The following LUC7L2 variants were observed in gnomAD, a reference collection of about 807,000 sequenced individuals.
LUC7L2 encodes the protein LUC7 like 2, pre-mRNA splicing factor.
A neutral mutation model predicts 52.8 loss-of-function variants in LUC7L2; 25 were observed. The observed-to-expected ratio is 0.47, with a 90% confidence interval of 0.34 to 0.66. The LOEUF is 0.66. LUC7L2 is among the 30% of genes least tolerant of loss of function. LUC7L2 has a pLI of 0.01. For missense variants in LUC7L2, 328 were observed against 497.8 expected (o/e 0.66, Z 3.25); for synonymous variants, 144 against 160.9 (o/e 0.89, Z 0.80).
chr7:139,374,343 C>A, intron 1 of LUC7L2: 1 of 1,290,922 alleles, frequency 7.7e-7, no homozygotes, highest in Non-Finnish European at 1.1e-6. Context: ...ATTGAAATTG[C>A]TGGCAGAGTT....
rs1380004460 is a variant in LUC7L2 at position 139,376,052 on chromosome 7, T to C, written c.62-10T>C. On this transcript the variant is annotated splice_polypyrimidine_tract_variant and intron_variant, in intron 1 of 9. Transcript: ENST00000354926. ...TAACCTTGAATGTTATTAACTCTTC[T>C]ATATTACAGGAGATACAACTCGTCA... The C allele has an allele frequency of 6.2e-7, 1 of 1,613,378 alleles. No homozygotes were observed. Among genetic ancestry groups the C allele is most frequent in the Non-Finnish European group, 8.5e-7 (1 of 1,179,762 alleles).
chr7:139,420,427 T>C (rs959787560), intron 9 of LUC7L2, among the ~76,000 whole-genome samples: 22 of 152,178 alleles, frequency 1.4e-4, no homozygotes, highest in African/African-American at 5.3e-4. Flanking sequence ...GGTCTCAAAC[T>C]CCCGACCTCA....
chr7:139,410,285 G>A (rs1485917764), intron 7 of LUC7L2, among the ~76,000 whole-genome samples: 1 of 132,490 alleles, frequency 7.5e-6, no homozygotes, highest in African/African-American at 3.8e-5. Flanking sequence ...CACCAGGTTA[G>A]CATAGAATTA....
upstream of LUC7L2, among the ~76,000 whole-genome samples, chr7:139,357,211 C>T (rs547050911): frequency 5.9e-5 from 9 of 152,002 alleles, no homozygotes; most frequent in East Asian, 1.4e-3. Context: ...AAAAATCAGG[C>T]AGGAAAGGAG....
At chr7:139,387,747 G>T (rs2355784) in intron 2 of LUC7L2, among the ~76,000 whole-genome samples, 58,521 of 151,962 alleles carry the variant, frequency 0.39, 15,747 homozygotes, top group African/African-American at 0.77. Flanking sequence ...CGTATAAGTT[G>T]TTTTTTCTTT....
intron 8 of LUC7L2, chr7:139,416,166 T>A (rs1795606905): frequency 6.8e-6 from 1 of 147,604 alleles, no homozygotes; most frequent in African/African-American, 2.4e-5. Flanking sequence ...TTGAGAACAT[T>A]TCCATCATTC....
intron 3 of LUC7L2, among the ~76,000 whole-genome samples, chr7:139,399,449 ATTTTTTTTTTTTTTTTTTTT>A (rs71169090): frequency 0.044 from 2,241 of 50,448 alleles, 59 homozygotes; most frequent in South Asian, 0.16. Flanking sequence ...TGTTTGGGGG[ATTTTTTTTTTTTTTTTTTTT>A]TTTTTTTTTT....
intron 2 of LUC7L2, among the ~76,000 whole-genome samples, chr7:139,376,804 A>C (rs1800734656): frequency 6.6e-6 from 1 of 152,216 alleles, no homozygotes; most frequent in Non-Finnish European, 1.5e-5. Flanking sequence ...GCTTCCCTTC[A>C]TAGTTGCATC....
intron 5 of LUC7L2, among the ~76,000 whole-genome samples, chr7:139,406,070 A>T (rs1207237155): frequency 6.6e-6 from 1 of 152,008 alleles, no homozygotes; most frequent in Admixed American, 6.6e-5. Context: ...TGTTTTTTTG[A>T]GATGGAGTTT....
intron 2 of LUC7L2, among the ~76,000 whole-genome samples, chr7:139,383,481 G>A (rs1360090930): frequency 1.3e-5 from 2 of 151,562 alleles, no homozygotes; most frequent in Non-Finnish European, 2.9e-5. Context: ...GCGCGATCTC[G>A]GCTCACTTCA....
intron 9 of LUC7L2, among the ~76,000 whole-genome samples, chr7:139,420,630 G>T (rs919892669): frequency 1.3e-5 from 2 of 152,156 alleles, no homozygotes; most frequent in Non-Finnish European, 2.9e-5. Flanking sequence ...CACTATGTGT[G>T]GGACATAGTA....
At position 139,348,277 on chromosome 7, in the gene LUC7L2, A is replaced by T. The variant is rs141324461; in HGVS notation, c.-26+7760A>T. Among the ~76,000 whole-genome samples, 1,456 of 150,852 alleles carry T rather than the reference A, an allele frequency of 9.7e-3. 28 individuals carry two copies. Among genetic ancestry groups the T allele is most frequent in the African/African-American group, 0.033 (1,357 of 41,048 alleles). ...GGTCTTGAACTCGTGGGCTCAAGTG[A>T]TCCTCCCACCTAGGACTCCCAAAGT... On this transcript the variant is annotated intron_variant, in intron 1 of 10. Coordinates refer to the LUC7L2 transcript ENST00000541170.
chr7:139,341,270 T>G, intron 1 of LUC7L2: 1 of 1,480,324 alleles, frequency 6.8e-7, no homozygotes. Flanking sequence ...TGCTCGTCAG[T>G]CGATAGGGGG....
intron 8 of LUC7L2, chr7:139,416,083 A>ATATATAT (rs2116323451): frequency 1.5e-5 from 1 of 66,038 alleles, no homozygotes; most frequent in East Asian, 3.5e-4. Flanking sequence ...ATATATATAT[A>ATATATAT]TATATATGAT....
Position 139,422,498 on chromosome 7 carries a change from C to T in LUC7L2, c.*158C>T. On this transcript the variant is annotated 3_prime_UTR_variant, in exon 10 of 10. Transcript: ENST00000354926. ...ACTTGATCTGAACTGAACCTGTTTT[C>T]CTTGATGATGCCTAAAACTACATCC... The T allele has an allele frequency of 7.6e-7, 1 of 1,318,772 alleles. No homozygotes were observed. The highest frequency in any genetic ancestry group is 9.7e-7 in the Non-Finnish European group (1 of 1,031,282). 81.7% of individuals were successfully genotyped at this position (1,318,772 alleles called of 1,614,324 possible).
At position 139,402,467 on chromosome 7, in the gene LUC7L2, C is replaced by T. The variant is rs574247975; in HGVS notation, c.366+220C>T. 2.6e-5 allele frequency among the ~76,000 whole-genome samples: 4 copies of T among 152,158 alleles called. No individual in the cohort carries two copies. In the South Asian group the frequency reaches 8.3e-4, roughly 32 times the overall value. ...TCCTTATATTTTATTCAGATTTTGC[C>T]AGTTATGCATGCATTTATTTGTGTA... On this transcript the variant is annotated intron_variant, in intron 4 of 9. Transcript: ENST00000354926.
intron 1 of LUC7L2, among the ~76,000 whole-genome samples, chr7:139,362,196 T>C (rs1799921909): frequency 6.6e-6 from 1 of 152,170 alleles, no homozygotes; most frequent in Non-Finnish European, 1.5e-5. Context: ...ATGACTGGAT[T>C]TTCACTGCTG....
At chr7:139,406,352 CTTT>C (rs58282436) in intron 5 of LUC7L2, among the ~76,000 whole-genome samples, 110 of 132,498 alleles carry the variant, frequency 8.3e-4, no homozygotes, top group African/African-American at 1.3e-3. Flanking sequence ...GCACCAGGGC[CTTT>C]TTTTTTTTTT....
chr7:139,370,961 G>T (rs1800420467), intron 1 of LUC7L2, among the ~76,000 whole-genome samples: 1 of 152,206 alleles, frequency 6.6e-6, no homozygotes. Flanking sequence ...GCTTTTGGTT[G>T]TACACCTCTC....
Sources: gnomAD v4.1 joint callset for allele counts (sites outside exome capture counted in the v4.1 genomes callset) on GRCh38, gnomAD v4.1.1 for gene constraint, MANE v1.5 for transcripts, NCBI Gene and HGNC (gene_info 2026-07-23, HGNC 2026-07-21) for gene names.